CMTM4: variants seen among roughly 807,000 people sequenced by gnomAD.
The protein encoded by CMTM4 is CKLF-like MARVEL transmembrane domain-containing protein 4.
In CMTM4, 8 loss-of-function variants were observed where a neutral mutation model predicts 19.0. The observed-to-expected ratio is 0.42, with a 90% CI of 0.25 to 0.76. CMTM4 has a LOEUF of 0.76. CMTM4 is among the 30% of genes least tolerant of loss of function. CMTM4 has a pLI of 0.27. For missense variants in CMTM4, 228 were observed against 290.2 expected (o/e 0.79, Z 1.56); for synonymous variants, 106 against 121.1 (o/e 0.88, Z 0.82).
chr16:66,629,261 TC>T (rs147142919), intron 2 of CMTM4, among the ~76,000 whole-genome samples: 6,605 of 152,212 alleles, frequency 0.043, 262 homozygotes, highest in East Asian at 0.16. Context: ...GTCCTATCCA[TC>T]CAGGAGACAA....
At chr16:66,605,179 C>T in the CMTM4 span, 2 of 419,232 alleles carry the variant, frequency 4.8e-6, no homozygotes, top group Non-Finnish European at 8.4e-6. The surrounding 1 kb of genome is among the most constrained non-coding windows in gnomAD (Gnocchi z 4.6). Context: ...GCGCTGTCCC[C>T]GCGAGTCCAG....
chr16:66,683,143 A>ATG (rs1450779772), intron 1 of CMTM4, among the ~76,000 whole-genome samples: 5 of 131,424 alleles, frequency 3.8e-5, no homozygotes, highest in African/African-American at 8.3e-5. Flanking sequence ...ATATATATAT[A>ATG]TATGTATATA....
intron 1 of CMTM4, among the ~76,000 whole-genome samples, chr16:66,642,804 T>C (rs956791304): frequency 6.6e-6 from 1 of 152,158 alleles, no homozygotes; most frequent in African/African-American, 2.4e-5. Context: ...ATTGGCAGCA[T>C]CTAAAAGCAG....
At chr16:66,629,642 G>C (rs2015810787) in intron 2 of CMTM4, among the ~76,000 whole-genome samples, 1 of 152,172 alleles carries the variant, frequency 6.6e-6, no homozygotes. Context: ...TGTGGGAAGA[G>C]GGTGGTAGAC....
rs910032288 is a variant in CMTM4, at chr16:66,696,501, C to T, written c.25G>A (p.Gly9Ser). 1.1e-5 allele frequency: 14 copies of T among 1,223,918 alleles called. No individual in the cohort carries two copies. The highest frequency in any genetic ancestry group is 1.6e-5 in the African/African-American group (1 of 63,146). 75.8% of individuals were successfully genotyped at this position (1,223,918 alleles called of 1,614,324 possible). A position where few individuals can be genotyped will look rare whatever the true frequency, so the allele number is the denominator to read the frequency against. The change falls in exon 1 of 4, where the codon GGC becomes AGC. Residue 9 changes from glycine (G) to serine (S), a missense_variant. Around this residue, in one of 3 missense-constraint regions of CMTM4, gnomAD observed 21 missense variants for 43.1 expected, o/e 0.49. Coordinates refer to ENST00000394106, the MANE Select transcript of CMTM4 (RefSeq NM_181521.3). The surrounding 1 kb of genome is among the most constrained non-coding windows in gnomAD (Gnocchi z 4.3). MRSGEELDGFEGEASSTSM... is the reference protein window; with the variant it reads MRSGEELDSFEGEASSTSM... ...GTGCTCGAGGCCTCGCCCTCGAAGC[C>T]GTCCAGCTCCTCGCCGCTCCGCATG...
chr16:66,679,292 G>A (rs942676876), intron 1 of CMTM4, among the ~76,000 whole-genome samples: 2 of 151,918 alleles, frequency 1.3e-5, no homozygotes, highest in South Asian at 2.1e-4. Context: ...TCTTTACCCC[G>A]CTCCATGGGA....
At chr16:66,643,899 G>A (rs1210445335) in intron 1 of CMTM4, among the ~76,000 whole-genome samples, 1 of 152,180 alleles carries the variant, frequency 6.6e-6, no homozygotes, top group Middle Eastern at 3.4e-3. Flanking sequence ...GATTACAGGT[G>A]CCCACCACCA....
rs555803860 is a variant in CMTM4 at position 66,618,363 on chromosome 16, T to C, written c.*3695A>G. 1 of 985,490 alleles carries C rather than the reference T, an allele frequency of 1.0e-6. No homozygotes were observed. The highest frequency in any genetic ancestry group is 6.1e-5 in the Admixed American group (1 of 16,296). The allele number at this position is 985,490 out of a possible 1,614,324, so 61.0% of individuals were successfully genotyped here. A position where few individuals can be genotyped will look rare whatever the true frequency, so the allele number is the denominator to read the frequency against. ...ATGACTGTTTTGTTTTGAACACAGA[T>C]GAGACAATAGGAACCCTTAAATCAT... On this transcript the variant is annotated 3_prime_UTR_variant, in exon 4 of 4. Coordinates refer to ENST00000394106, the MANE Select transcript of CMTM4 (RefSeq NM_181521.3).
intron 1 of CMTM4, among the ~76,000 whole-genome samples, chr16:66,660,387 C>CAAA (rs34266604): frequency 3.6e-5 from 3 of 84,502 alleles, no homozygotes; most frequent in African/African-American, 4.8e-5. Context: ...GATCCTGTCT[C>CAAA]AAAAAAAAAA....
rs368429949 is a variant in CMTM4, at chr16:66,667,091, G to A, written c.186+29249C>T. Among the ~76,000 whole-genome samples the A allele has an allele frequency of 5.3e-5, 8 of 152,324 alleles. No individual in the cohort carries two copies. In the South Asian group the frequency reaches 1.2e-3, roughly 24 times the overall value. On this transcript the variant is annotated intron_variant, in intron 1 of 3. Transcript: ENST00000394106. ...TGTAATCCTAACACTTTGGGAGGCC[G>A]AGGCAGGCGGATCACCTGAGGTCGG...
intron 1 of CMTM4, among the ~76,000 whole-genome samples, chr16:66,640,050 G>A (rs2016070400): frequency 1.3e-5 from 2 of 151,578 alleles, no homozygotes; most frequent in African/African-American, 4.8e-5. Context: ...TAGGGCAGGC[G>A]CAGTGGCTCA....
chr16:66,606,865 C>T, the CMTM4 span, among the ~76,000 whole-genome samples: 3 of 152,114 alleles, frequency 2.0e-5, no homozygotes, highest in African/African-American at 4.8e-5. Flanking sequence ...TGGTGGCGGG[C>T]GCCTGTAATC....
At chr16:66,674,102 C>T (rs2016761139) in intron 1 of CMTM4, among the ~76,000 whole-genome samples, 1 of 152,216 alleles carries the variant, frequency 6.6e-6, no homozygotes. Context: ...TAGCATGGAG[C>T]TAGGCAGAGC....
At position 66,696,653 on chromosome 16, in the gene CMTM4, C is replaced by CCCG. The variant is rs965818071; in HGVS notation, c.-131_-129dup. ...CGCCCGACTGACTGCCCGCGGCCCG[C>CCCG]CCGCCGCCGCCGCCTCTCGCCCGCC... is the stretch of plus-strand genomic sequence containing the variant. On this transcript the variant is annotated 5_prime_UTR_variant, in exon 1 of 4. Transcript: ENST00000394106. This position sits in a 1 kb window ranked among gnomAD's most constrained non-coding sequence, Gnocchi z 4.3. The CCCG allele has an allele frequency of 1.3e-5, 5 of 392,486 alleles. No individual in the cohort carries two copies. Among genetic ancestry groups the CCCG allele is most frequent in the South Asian group, 9.5e-5 (1 of 10,518 alleles). The allele number at this position is 392,486 out of a possible 1,614,324, so 24.3% of individuals were successfully genotyped here.
At chr16:66,646,261 G>A (rs1186428675) in intron 1 of CMTM4, among the ~76,000 whole-genome samples, 1 of 152,098 alleles carries the variant, frequency 6.6e-6, no homozygotes, top group Non-Finnish European at 1.5e-5. Flanking sequence ...CCTCTCTATG[G>A]ATTAGGATTA....
At position 66,619,771 on chromosome 16, in the gene CMTM4, A is replaced by T; in HGVS notation, c.*2287T>A. On this transcript the variant is annotated 3_prime_UTR_variant, in exon 4 of 4. Coordinates refer to ENST00000394106, the MANE Select transcript of CMTM4 (RefSeq NM_181521.3). ...GTGGGAGTTAATTAAATACAAGGAG[A>T]ACATTTACAAAACCACCGAGGAGCC... 3 of 985,390 alleles carry T rather than the reference A, an allele frequency of 3.0e-6. No homozygotes were observed. Among genetic ancestry groups the T allele is most frequent in the Non-Finnish European group, 2.4e-6 (2 of 829,918 alleles). 61.0% of individuals were successfully genotyped at this position (985,390 alleles called of 1,614,324 possible).
Position 66,618,834 on chromosome 16 carries a change from C to A in CMTM4, c.*3224G>T. The A allele has an allele frequency of 1.0e-6, 1 of 985,520 alleles. No homozygotes were observed. The highest frequency in any genetic ancestry group is 1.2e-6 in the Non-Finnish European group (1 of 829,968). 61.0% of individuals were successfully genotyped at this position (985,520 alleles called of 1,614,324 possible). On this transcript the variant is annotated 3_prime_UTR_variant, in exon 4 of 4. Transcript: ENST00000394106. ...GACACATTCCCTGGCTGCCCACAGG[C>A]GTGAGCCTTCCTGCCAGGGGACAGT...
At chr16:66,683,163 A>G (rs1233911645) in intron 1 of CMTM4, among the ~76,000 whole-genome samples, 4 of 95,440 alleles carry the variant, frequency 4.2e-5, no homozygotes, top group Admixed American at 1.4e-4. Flanking sequence ...ATATATACGT[A>G]TATATATATA....
chr16:66,693,361 A>G (rs1478633931), intron 1 of CMTM4, among the ~76,000 whole-genome samples: 2 of 152,228 alleles, frequency 1.3e-5, no homozygotes, highest in Non-Finnish European at 2.9e-5. Context: ...AGGCTCAAGC[A>G]GTCCCCCCAC....
Sources: gnomAD v4.1 joint callset for allele counts (sites outside exome capture counted in the v4.1 genomes callset) on GRCh38, gnomAD v4.1.1 for gene constraint, gnomAD v4.1.1 regional missense constraint, Gnocchi (gnomAD v3.1) non-coding constraint, MANE v1.5 for transcripts, NCBI Gene and HGNC (gene_info 2026-07-23, HGNC 2026-07-21) for gene names.